NRG1: variants seen among roughly 807,000 people sequenced by gnomAD.
The protein encoded by NRG1 is neuregulin 1.
Under a neutral mutation model 63.8 loss-of-function variants are expected in NRG1, and 18 were observed. The ratio of observed to expected loss-of-function variants is 0.28; its 90% CI spans 0.19 to 0.42. NRG1 has a LOEUF of 0.42. Ranked by LOEUF, NRG1 falls within the 10% of genes least tolerant of loss-of-function variation. The pLI is 1.00. For synonymous variants in NRG1, 302 were observed against 301.3 expected (o/e 1.00, Z -0.02); for missense variants, 762 against 814.7 (o/e 0.94, Z 0.79).
chr8:32,036,597 A>G (rs900791832), intron 1 of NRG1, among the ~76,000 whole-genome samples: 1 of 152,024 alleles, frequency 6.6e-6, no homozygotes, highest in African/African-American at 2.4e-5. Flanking sequence ...TTTTAACATA[A>G]TCCCATAGTT....
chr8:32,135,027 G>A (rs896766022), intron 1 of NRG1, among the ~76,000 whole-genome samples: 1 of 152,110 alleles, frequency 6.6e-6, no homozygotes, highest in Non-Finnish European at 1.5e-5. Flanking sequence ...CAAGGAGTAG[G>A]GTGTGCAGAT....
At chr8:32,424,872 C>A (rs1470009582) in intron 1 of NRG1, among the ~76,000 whole-genome samples, 1 of 151,680 alleles carries the variant, frequency 6.6e-6, no homozygotes, top group Non-Finnish European at 1.5e-5. Flanking sequence ...CAAAACAGAA[C>A]AAAACAAACA....
chr8:31,790,656 A>T (rs940431476), intron 1 of NRG1, among the ~76,000 whole-genome samples: 4 of 152,166 alleles, frequency 2.6e-5, no homozygotes, highest in African/African-American at 7.2e-5. Flanking sequence ...TCAACACATG[A>T]CTTCATTTCT....
chr8:31,692,504 T>G (rs953396568), intron 1 of NRG1, among the ~76,000 whole-genome samples: 4 of 152,180 alleles, frequency 2.6e-5, no homozygotes, highest in Non-Finnish European at 5.9e-5. Context: ...TGAGAAAATA[T>G]AAGATGATGT....
At chr8:32,661,244 A>C (rs1802777450) in intron 5 of NRG1, among the ~76,000 whole-genome samples, 1 of 152,236 alleles carries the variant, frequency 6.6e-6, no homozygotes, top group Non-Finnish European at 1.5e-5. Context: ...AATGGTGGAC[A>C]AATTCACAAG....
intron 1 of NRG1, among the ~76,000 whole-genome samples, chr8:32,188,118 G>A (rs1563887575): frequency 6.6e-6 from 1 of 151,780 alleles, no homozygotes; most frequent in Non-Finnish European, 1.5e-5. Flanking sequence ...CCAGGCTGGA[G>A]TGCAATGGTG....
At chr8:31,852,512 C>T (rs1327118589) in intron 1 of NRG1, among the ~76,000 whole-genome samples, 1 of 151,976 alleles carries the variant, frequency 6.6e-6, no homozygotes. Context: ...GATATTAGCC[C>T]TATGTCAGAT....
intron 1 of NRG1, among the ~76,000 whole-genome samples, chr8:31,992,158 G>C (rs766457867): frequency 6.6e-6 from 1 of 151,470 alleles, no homozygotes; most frequent in African/African-American, 2.4e-5. Context: ...AACATAGTGA[G>C]ATCCCATCTC....
At chr8:31,991,055 TA>T (rs1810976466) in intron 1 of NRG1, among the ~76,000 whole-genome samples, 1 of 152,090 alleles carries the variant, frequency 6.6e-6, no homozygotes, top group African/African-American at 2.4e-5. Context: ...TTATAAATGT[TA>T]ATAGCCTCCA....
intron 5 of NRG1, among the ~76,000 whole-genome samples, chr8:32,650,888 T>C (rs1409296087): frequency 6.6e-6 from 1 of 152,072 alleles, no homozygotes; most frequent in African/African-American, 2.4e-5. Flanking sequence ...TGTCTCAGCA[T>C]ATTCAGCACA....
chr8:31,771,111 A>G (rs1008892996), intron 1 of NRG1, among the ~76,000 whole-genome samples: 31 of 152,158 alleles, frequency 2.0e-4, no homozygotes, highest in African/African-American at 6.0e-4. Context: ...GATCTCTTCA[A>G]TCATCCCAAA....
intron 1 of NRG1, among the ~76,000 whole-genome samples, chr8:32,004,655 A>G (rs1456090767): frequency 6.6e-6 from 1 of 152,012 alleles, no homozygotes; most frequent in Non-Finnish European, 1.5e-5. Context: ...CCAGGAAAAT[A>G]TGGGAAGTAT....
chr8:31,688,004 T>C (rs1184175750), intron 1 of NRG1, among the ~76,000 whole-genome samples: 1 of 152,220 alleles, frequency 6.6e-6, no homozygotes, highest in East Asian at 1.9e-4. Context: ...GGATTGGTCT[T>C]GATGGTGTTT....
At chr8:32,623,253 T>C (rs1384298855) in intron 5 of NRG1, among the ~76,000 whole-genome samples, 1 of 152,220 alleles carries the variant, frequency 6.6e-6, no homozygotes, top group African/African-American at 2.4e-5. Flanking sequence ...TGGTGGAATT[T>C]AGACCCATGG....
chr8:32,483,929 C>T (rs1825611351), intron 1 of NRG1, among the ~76,000 whole-genome samples: 1 of 152,186 alleles, frequency 6.6e-6, no homozygotes, highest in Admixed American at 6.5e-5. Flanking sequence ...ATGGTGAAAA[C>T]CCGTCTCTAC....
intron 1 of NRG1, among the ~76,000 whole-genome samples, chr8:31,898,357 T>G (rs1831774426): frequency 3.3e-5 from 5 of 152,198 alleles, no homozygotes; most frequent in Admixed American, 2.0e-4. Context: ...TCATATATAT[T>G]ATTGTGTAAT....
intron 1 of NRG1, among the ~76,000 whole-genome samples, chr8:31,815,901 A>G (rs968434975): frequency 1.3e-5 from 2 of 151,302 alleles, no homozygotes; most frequent in African/African-American, 4.9e-5. Context: ...GTATTTCTAT[A>G]GTTGTTATTG....
intron 1 of NRG1, among the ~76,000 whole-genome samples, chr8:32,156,559 G>T (rs73576604): frequency 0.013 from 2,023 of 152,246 alleles, 54 homozygotes; most frequent in African/African-American, 0.045. Flanking sequence ...AATAAATAAT[G>T]AATGAAAAGA....
At chr8:31,810,887 T>C (rs1214571141) in intron 1 of NRG1, among the ~76,000 whole-genome samples, 3 of 152,224 alleles carry the variant, frequency 2.0e-5, no homozygotes, top group African/African-American at 7.2e-5. Flanking sequence ...TACATGAGGC[T>C]ATATATCAAA....
Sources: allele counts gnomAD v4.1 joint callset (sites outside exome capture counted in the v4.1 genomes callset), GRCh38; gene constraint gnomAD v4.1.1; transcripts MANE v1.5; gene names NCBI Gene and HGNC (gene_info 2026-07-23, HGNC 2026-07-21).